Variants in PSD observed in about 807,000 individuals in gnomAD.
The protein encoded by PSD is pleckstrin and Sec7 domain containing, also known as PH and SEC7 domain-containing protein 1.
In PSD, 32 loss-of-function variants were observed where a neutral mutation model predicts 91.6. That is an observed-to-expected ratio of 0.35 (90% CI 0.26 to 0.47). The LOEUF (loss-of-function observed/expected upper bound fraction) is 0.47. PSD is among the 20% of genes least tolerant of loss of function. The pLI is 1.00. For synonymous variants in PSD, 532 were observed against 569.3 expected (o/e 0.93, Z 0.93); for missense variants, 1,099 against 1,373.9 (o/e 0.80, Z 3.16).
At position 102,411,747 on chromosome 10, in the gene PSD, C is replaced by T. The variant is rs1384080832; in HGVS notation, c.1902G>A (p.Gln634=). The T allele has an allele frequency of 6.2e-7, 1 of 1,613,720 alleles. No homozygotes were observed. Among genetic ancestry groups the T allele is most frequent in the Admixed American group, 1.7e-5 (1 of 59,970 alleles). The change falls in exon 8 of 17, where the codon CAG becomes CAA. Residue 634 remains glutamine, a synonymous_variant. Transcript: ENST00000020673. ...ERERVLAHFS[Q]RYFQCNPEAL... ...CTTCAGGATTGCACTGGAAGTATCG[C>T]TGGGAGAAGTGGGCCAGCACGCGCT...
chr10:102,403,976 C>A lies in PSD; in HGVS notation c.2710G>T (p.Val904Leu), dbSNP rs2061323165. 1 of 1,556,586 alleles carries A rather than the reference C, an allele frequency of 6.4e-7. No individual in the cohort carries two copies. The highest frequency in any genetic ancestry group is 8.7e-7 in the Non-Finnish European group (1 of 1,152,664). Residue 904 changes from valine to leucine, a missense_variant, in exon 16 of 17, where the codon GTG (valine) becomes TTG (leucine). By Grantham distance (32) the Val-to-Leu change is conservative. Coordinates refer to ENST00000020673, the MANE Select transcript of PSD (RefSeq NM_002779.5). The surrounding 1 kb of genome is among the most constrained non-coding windows in gnomAD (Gnocchi z 6.7). ...TTCAGCTTGGCCTCGTGGGTCCGCA[C>A]CTGCTCCTCCTAGCGGCCAGGGGGA... ...AATRLSQEEQ[V>L]RTHEAKLKAM...
At position 102,414,270 on chromosome 10, in the gene PSD, A is replaced by C; in HGVS notation, c.1125-73T>G. The C allele has an allele frequency of 1.4e-5, 18 of 1,331,244 alleles. No individual in the cohort carries two copies. Among genetic ancestry groups the C allele is most frequent in the Non-Finnish European group, 1.8e-5 (17 of 959,328 alleles). 82.5% of individuals were successfully genotyped at this position (1,331,244 alleles called of 1,614,324 possible). ...TGGGGCAGGATTTCACTGAACTCTC[A>C]CACTGACTCTGCTAAGGGGATTATC... On this transcript the variant is annotated intron_variant, in intron 4 of 16. Transcript: ENST00000020673. The surrounding 1 kb of genome is among the most constrained non-coding windows in gnomAD (Gnocchi z 5.6).
In PSD at chr10:102,418,728, G is replaced by T. The variant is rs1054640508; in HGVS notation, c.-111C>A. ...CTGCTCGCCCAGAGCTGAGACCGAG[G>T]AGAGACAGAGGAGAGGCTGGGCCCA... On this transcript the variant is annotated 5_prime_UTR_variant, in exon 1 of 17. Coordinates refer to ENST00000020673, the MANE Select transcript of PSD (RefSeq NM_002779.5). 3 of 455,884 alleles carry T rather than the reference G, an allele frequency of 6.6e-6. No individual in the cohort carries two copies. The highest frequency in any genetic ancestry group is 4.6e-5 in the South Asian group (3 of 64,564). The allele number at this position is 455,884 out of a possible 1,614,324, so 28.2% of individuals were successfully genotyped here.
intron 1 of PSD, among the ~76,000 whole-genome samples, chr10:102,417,675 A>G (rs957753684): frequency 6.6e-6 from 1 of 150,448 alleles, no homozygotes; most frequent in African/African-American, 2.5e-5. Context: ...TACCCCCAAT[A>G]TATACATACT....
At chr10:102,412,689 G>T in intron 5 of PSD, 114 bp from the exon 6 acceptor site, 1 of 881,340 alleles carries the variant, frequency 1.1e-6, no homozygotes, top group Non-Finnish European at 1.7e-6. Context: ...GAGGGACATG[G>T]GGAAAGCATT....
chr10:102,411,515 G>A (rs1450630830), intron 8 of PSD, among the ~76,000 whole-genome samples, 192 bp downstream of exon 8: 1 of 152,162 alleles, frequency 6.6e-6, no homozygotes, highest in African/African-American at 2.4e-5. Flanking sequence ...CAATATGCCT[G>A]CCCACATGTA....
rs1185963158 is a variant in PSD, at chr10:102,410,555, A to G, written c.2091+303T>C. Among the ~76,000 whole-genome samples the G allele has an allele frequency of 6.6e-6, 1 of 152,142 alleles. No individual in the cohort carries two copies. The highest frequency in any genetic ancestry group is 1.5e-5 in the Non-Finnish European group (1 of 68,010). ...CGCCTTCCACCCCAGCGCACACTGGAGGAGGGGAACTGAAGGCAAACGCAG... is the reference window on the plus strand; with the variant it reads ...CGCCTTCCACCCCAGCGCACACTGGGGGAGGGGAACTGAAGGCAAACGCAG... On this transcript the variant is annotated intron_variant, in intron 10 of 16. Transcript: ENST00000020673. This position sits in a 1 kb window ranked among gnomAD's most constrained non-coding sequence, Gnocchi z 6.0.
In PSD at chr10:102,414,456, GCTTCC is replaced by G. The variant is rs1465960565; in HGVS notation, c.1125-264_1125-260del. ...CCTTTCTCCTCCTTTTCCGTGATCCGCTTCCCTTCTGCCATCCCATTTCTATTTCT... is the reference window on the plus strand; with the variant it reads ...CCTTTCTCCTCCTTTTCCGTGATCCGCTTCTGCCATCCCATTTCTATTTCT... On this transcript the variant is annotated intron_variant, in intron 4 of 16. Coordinates refer to ENST00000020673, the MANE Select transcript of PSD (RefSeq NM_002779.5). The surrounding 1 kb of genome is among the most constrained non-coding windows in gnomAD (Gnocchi z 5.6). 6.6e-6 allele frequency among the ~76,000 whole-genome samples: 1 copy of G among 150,882 alleles called. No individual in the cohort carries two copies. Among genetic ancestry groups the G allele is most frequent in the Non-Finnish European group, 1.5e-5 (1 of 67,790 alleles).
chr10:102,417,884 T>G (rs1220929239), intron 1 of PSD, among the ~76,000 whole-genome samples: 1 of 152,020 alleles, frequency 6.6e-6, no homozygotes, highest in Admixed American at 6.5e-5. Flanking sequence ...AATTTTTGTA[T>G]TTTTAGTAGA....
chr10:102,414,189 C>T lies in PSD; in HGVS notation c.1133G>A (p.Ser378Asn). The T allele has an allele frequency of 1.2e-6, 2 of 1,605,188 alleles. No homozygotes were observed. The highest frequency in any genetic ancestry group is 2.2e-5 in the East Asian group (1 of 44,760). The change falls in exon 5 of 17, where the codon AGC (serine) becomes AAC (asparagine). Residue 378 changes from serine to asparagine, a missense_variant. By Grantham distance (46) the Ser-to-Asn change is conservative. Around this residue, in one of 3 missense-constraint regions of PSD, gnomAD observed 631 missense variants for 728.8 expected, o/e 0.87. Transcript: ENST00000020673. This position sits in a 1 kb window ranked among gnomAD's most constrained non-coding sequence, Gnocchi z 5.6. ...CACAGGTGACTTGAGAGGCATCCGG[C>T]TCCCTGGCCTGCAGGGGCAGGGAGA... is the stretch of plus-strand genomic sequence containing the variant. ...FEASEGARPG[S>N]RMPLKSPVPF...
Position 102,412,485 on chromosome 10 carries a change from G to A in PSD, c.1644C>T (p.Ser548=), listed in dbSNP as rs559304902. 6.2e-7 allele frequency: 1 copy of A among 1,614,098 alleles called. No homozygotes were observed. The highest frequency in any genetic ancestry group is 1.1e-5 in the South Asian group (1 of 91,084). Residue 548 remains serine, a synonymous_variant, in exon 6 of 17, where the codon TCC becomes TCT. Transcript: ENST00000020673. ...CCTCCAGGTCCGCTTTCTGCCCATT[G>A]GACAAGGTGTCTGTGCTTCCCAGGG... ...RLALGSTDTL[S]NGQKADLEAA...
chr10:102,419,853 G>A (rs951942568), upstream of PSD: 2 of 209,550 alleles, frequency 9.5e-6, no homozygotes, highest in African/African-American at 2.4e-5. This position sits in a 1 kb window ranked among gnomAD's most constrained non-coding sequence, Gnocchi z 4.8. Context: ...GGCTGAGGAA[G>A]AAGAGATAGC....
At chr10:102,413,422 TGGGTGA>T (rs1370539748) in intron 5 of PSD, among the ~76,000 whole-genome samples, 1 of 152,094 alleles carries the variant, frequency 6.6e-6, no homozygotes, top group Non-Finnish European at 1.5e-5. Context: ...GCCTTCAGGC[TGGGTGA>T]GGGTAAGGTC....
At chr10:102,406,979 G>A (rs2061369512) in intron 11 of PSD, among the ~76,000 whole-genome samples, 2 of 152,100 alleles carry the variant, frequency 1.3e-5, no homozygotes, top group Admixed American at 6.6e-5. Flanking sequence ...TCCCTTTGAT[G>A]TTTCAGCACC....
rs746342821 is a variant in PSD at position 102,414,883 on chromosome 10, A to G, written c.1104T>C (p.Phe368=). Residue 368 remains phenylalanine, a synonymous_variant, in exon 4 of 17, where the codon TTT becomes TTC. Coordinates refer to ENST00000020673, the MANE Select transcript of PSD (RefSeq NM_002779.5). This position sits in a 1 kb window ranked among gnomAD's most constrained non-coding sequence, Gnocchi z 5.6. ...CTCACCGGGCCCCTTCAGAGGCCTC[A>G]AACACCTCGTCGTCCACATCTTCTT... The part of the protein sequence containing the change: ...GGEEDVDDEV[F]EASEGARPGS... 8 of 1,502,986 alleles carry G rather than the reference A, an allele frequency of 5.3e-6. No homozygotes were observed. Among genetic ancestry groups the G allele is most frequent in the Non-Finnish European group, 6.2e-6 (7 of 1,127,926 alleles). 93.1% of individuals were successfully genotyped at this position (1,502,986 alleles called of 1,614,324 possible). A position where few individuals can be genotyped will look rare whatever the true frequency, so the allele number is the denominator to read the frequency against.
Position 102,402,992 on chromosome 10 carries a change from T to G in PSD, c.*208A>C, listed in dbSNP as rs1294852269. 4.9e-5 allele frequency: 6 copies of G among 121,898 alleles called. No homozygotes were observed. The highest frequency in any genetic ancestry group is 8.4e-5 in the Non-Finnish European group (6 of 71,164). 7.6% of individuals were successfully genotyped at this position (121,898 alleles called of 1,614,324 possible). On this transcript the variant is annotated 3_prime_UTR_variant, in exon 17 of 17. Transcript: ENST00000020673. ...ACCCTGTACGAAAAAGTGCAAAACA[T>G]TATCACAAAAAGGGGCTCTCGGAGG...
Position 102,403,074 on chromosome 10 carries a change from C to G in PSD, c.*126G>C. 2.8e-6 allele frequency: 2 copies of G among 710,892 alleles called. No individual in the cohort carries two copies. The highest frequency in any genetic ancestry group is 4.2e-6 in the Non-Finnish European group (2 of 474,316). 44.0% of individuals were successfully genotyped at this position (710,892 alleles called of 1,614,324 possible). A position where few individuals can be genotyped will look rare whatever the true frequency, so the allele number is the denominator to read the frequency against. On this transcript the variant is annotated 3_prime_UTR_variant, in exon 17 of 17. Transcript: ENST00000020673. This position sits in a 1 kb window ranked among gnomAD's most constrained non-coding sequence, Gnocchi z 6.7. ...CCCAGCCCTGCCCTGCCCCGGACAC[C>G]GCGTCCGGCGCGGTCGGGCCCTAGG... is the stretch of plus-strand genomic sequence containing the variant.
In PSD at chr10:102,415,116, C is replaced by T; in HGVS notation, c.871G>A (p.Val291Met). 5.0e-6 allele frequency: 8 copies of T among 1,613,878 alleles called. No individual in the cohort carries two copies. Among genetic ancestry groups the T allele is most frequent in the Non-Finnish European group, 5.1e-6 (6 of 1,180,034 alleles). Reference protein sequence around the residue: ...AKYSETDLDTVPLRCYRETDI... With the variant: ...AKYSETDLDTMPLRCYRETDI... ...GTCTCGCGGTAGCACCTCAGGGGCA[C>T]CGTGTCCAGGTCTGTCTCGGAGTAC... Residue 291 changes from valine (V) to methionine (M), a missense_variant, in exon 4 of 17, where the codon GTG becomes ATG. Transcript: ENST00000020673.
chr10:102,418,142 T>C (rs2061506661), intron 1 of PSD, among the ~76,000 whole-genome samples: 1 of 150,478 alleles, frequency 6.6e-6, no homozygotes, highest in African/African-American at 2.5e-5. Flanking sequence ...AACACATTCA[T>C]AGGCAACACC....
Sources: allele counts gnomAD v4.1 joint callset (sites outside exome capture counted in the v4.1 genomes callset), GRCh38; gene constraint gnomAD v4.1.1; regional missense constraint gnomAD v4.1.1; non-coding constraint Gnocchi (gnomAD v3.1); transcripts MANE v1.5; gene names NCBI Gene and HGNC (gene_info 2026-07-23, HGNC 2026-07-21).